Variants in TRPM3 observed in about 807,000 individuals in gnomAD.
TRPM3 encodes the protein transient receptor potential cation channel subfamily M member 3.
Under a neutral mutation model 181.2 loss-of-function variants are expected in TRPM3, and 77 were observed. The observed-to-expected ratio is 0.42, with a 90% CI of 0.35 to 0.51. TRPM3 has a LOEUF of 0.51. Ranked by LOEUF, TRPM3 falls within the 20% of genes least tolerant of loss-of-function variation. The pLI, the probability that TRPM3 is intolerant of heterozygous loss-of-function variation, is 0.01. For synonymous variants in TRPM3, 745 were observed against 796.4 expected (o/e 0.94, Z 1.09); for missense variants, 1,759 against 2,196.7 (o/e 0.80, Z 3.98).
At chr9:70,691,002 A>G (rs951265252) in intron 8 of TRPM3, among the ~76,000 whole-genome samples, 3 of 152,240 alleles carry the variant, frequency 2.0e-5, no homozygotes, top group Admixed American at 6.5e-5. Context: ...CTAGAAATGA[A>G]CATGATGATT....
chr9:70,992,166 A>G (rs910226678), intron 1 of TRPM3, among the ~76,000 whole-genome samples: 6 of 152,190 alleles, frequency 3.9e-5, no homozygotes, highest in African/African-American at 1.2e-4. Flanking sequence ...TTGTGCTACA[A>G]TGATGCCCAG....
chr9:71,089,477 G>A (rs1483402665), intron 1 of TRPM3, among the ~76,000 whole-genome samples: 2 of 151,340 alleles, frequency 1.3e-5, no homozygotes, highest in African/African-American at 4.8e-5. Flanking sequence ...TCTTGAAGGT[G>A]TTTCTCTGTA....
At chr9:71,174,675 A>G (rs542259756) in intron 1 of TRPM3, among the ~76,000 whole-genome samples, 1 of 152,310 alleles carries the variant, frequency 6.6e-6, no homozygotes, top group Admixed American at 6.5e-5. Flanking sequence ...GTAAACCATG[A>G]AAAACTTTTA....
chr9:71,346,678 A>G (rs2091313302), intron 1 of TRPM3, among the ~76,000 whole-genome samples: 1 of 152,200 alleles, frequency 6.6e-6, no homozygotes, highest in African/African-American at 2.4e-5. Context: ...AGATAAAGTA[A>G]TGAGAGAAAA....
intron 1 of TRPM3, among the ~76,000 whole-genome samples, chr9:70,894,566 C>A (rs1164985767): frequency 6.6e-6 from 1 of 152,116 alleles, no homozygotes; most frequent in Non-Finnish European, 1.5e-5. Flanking sequence ...GCTTTAGGAA[C>A]TTGGGAGTAC....
chr9:70,932,943 G>A (rs1449579916), intron 1 of TRPM3, among the ~76,000 whole-genome samples: 1 of 152,124 alleles, frequency 6.6e-6, no homozygotes, highest in African/African-American at 2.4e-5. Context: ...CAGAAGAGAT[G>A]GTGAGAAGTA....
intron 6 of TRPM3, among the ~76,000 whole-genome samples, chr9:70,808,900 C>T (rs1357549084): frequency 6.6e-6 from 1 of 152,184 alleles, no homozygotes; most frequent in African/African-American, 2.4e-5. Flanking sequence ...TCTTGATATA[C>T]AGTCATGTGT....
At chr9:71,035,984 T>TTC (rs1181491536) in intron 1 of TRPM3, among the ~76,000 whole-genome samples, 63 of 125,280 alleles carry the variant, frequency 5.0e-4, no homozygotes, top group Admixed American at 2.2e-3. Flanking sequence ...AACATAGGCT[T>TTC]TTTTTTTTTT....
At chr9:71,179,395 C>T (rs1393522357) in intron 1 of TRPM3, among the ~76,000 whole-genome samples, 1 of 152,140 alleles carries the variant, frequency 6.6e-6, no homozygotes, top group East Asian at 1.9e-4. Flanking sequence ...GCAAGGTGTA[C>T]ACCACTTCCA....
intron 1 of TRPM3, among the ~76,000 whole-genome samples, chr9:71,040,762 T>C (rs2132942408): frequency 6.6e-6 from 1 of 152,086 alleles, no homozygotes; most frequent in East Asian, 1.9e-4. Flanking sequence ...TCAGGTGTCT[T>C]CCGATACAAG....
At chr9:71,059,286 C>T (rs2061034799) in intron 1 of TRPM3, among the ~76,000 whole-genome samples, 1 of 151,832 alleles carries the variant, frequency 6.6e-6, no homozygotes, top group African/African-American at 2.4e-5. Context: ...AGATTTCAGG[C>T]CTCCTGCTCG....
chr9:70,845,446 G>A (rs1283647238), intron 4 of TRPM3, among the ~76,000 whole-genome samples: 3 of 152,048 alleles, frequency 2.0e-5, no homozygotes, highest in Admixed American at 6.6e-5. Context: ...CACCATGTTG[G>A]CCAGGCTGGT....
intron 1 of TRPM3, among the ~76,000 whole-genome samples, chr9:71,382,358 G>A (rs1216943477): frequency 6.6e-6 from 1 of 152,086 alleles, no homozygotes; most frequent in Admixed American, 6.6e-5. Flanking sequence ...TTCATGCTAA[G>A]TAAAATTTTC....
intron 8 of TRPM3, among the ~76,000 whole-genome samples, chr9:70,692,153 T>C (rs2068798515): frequency 6.6e-6 from 1 of 152,242 alleles, no homozygotes; most frequent in African/African-American, 2.4e-5. Flanking sequence ...TCTCATTTTA[T>C]TCTCCATTAA....
chr9:70,640,452 ATCT>A (rs1248472028), intron 10 of TRPM3, 105 bp downstream of exon 10: 8 of 803,352 alleles, frequency 1.0e-5, no homozygotes, highest in Non-Finnish European at 1.6e-5. Context: ...AACACATTCC[ATCT>A]TAAAGAAAAA....
chr9:70,844,799 T>C (rs1483067884), intron 4 of TRPM3, among the ~76,000 whole-genome samples: 1 of 152,204 alleles, frequency 6.6e-6, no homozygotes. Context: ...ATAAACAATA[T>C]TCCAAGTTCT....
intron 1 of TRPM3, among the ~76,000 whole-genome samples, chr9:70,926,729 T>C (rs1444840717): frequency 6.6e-6 from 1 of 152,254 alleles, no homozygotes; most frequent in Non-Finnish European, 1.5e-5. Flanking sequence ...TCTGCATAGA[T>C]GCATCTGATG....
intron 1 of TRPM3, among the ~76,000 whole-genome samples, chr9:71,331,746 AGG>A (rs201766670): frequency 0.058 from 5,383 of 92,272 alleles, 203 homozygotes; most frequent in East Asian, 0.15. Flanking sequence ...AAGGAGGAGG[AGG>A]AAAAGGGGGA....
intron 6 of TRPM3, among the ~76,000 whole-genome samples, chr9:70,793,183 A>G (rs896003502): frequency 6.6e-6 from 1 of 152,166 alleles, no homozygotes; most frequent in East Asian, 1.9e-4. Context: ...GGTTGGGCAC[A>G]ATGGCTTATG....
Sources: gnomAD v4.1 joint callset for allele counts (sites outside exome capture counted in the v4.1 genomes callset) on GRCh38, gnomAD v4.1.1 for gene constraint, MANE v1.5 for transcripts, NCBI Gene and HGNC (gene_info 2026-07-23, HGNC 2026-07-21) for gene names.